Variants in EIF5B observed in about 807,000 individuals in gnomAD.
EIF5B encodes eukaryotic translation initiation factor 5B.
Under a neutral mutation model 147.5 loss-of-function variants are expected in EIF5B, and 47 were observed. The observed-to-expected ratio is 0.32, with a 90% CI of 0.25 to 0.41. EIF5B has a LOEUF of 0.41. Ranked by LOEUF, EIF5B falls within the 10% of genes least tolerant of loss-of-function variation. EIF5B has a pLI of 1.00. For synonymous variants in EIF5B, 455 were observed against 456.2 expected, an observed-to-expected ratio of 1.00 and a Z score of 0.03; for missense variants, 1,064 against 1,413.2, an observed-to-expected ratio of 0.75 and a Z score of 3.96.
chr2:99,354,608 T>C (rs944453445), intron 1 of EIF5B, among the ~76,000 whole-genome samples: 4 of 152,164 alleles, frequency 2.6e-5, no homozygotes, highest in Non-Finnish European at 5.9e-5. Context: ...AAAGATATTT[T>C]ACTCTTTTCC....
intron 21 of EIF5B, among the ~76,000 whole-genome samples, chr2:99,395,131 G>A (rs574599254): frequency 3.9e-5 from 6 of 152,322 alleles, no homozygotes; most frequent in Admixed American, 3.3e-4. Context: ...TAATGGGTTC[G>A]TAGTTATTAA....
chr2:99,340,935 T>G (rs2094258109), intron 1 of EIF5B, among the ~76,000 whole-genome samples: 1 of 152,134 alleles, frequency 6.6e-6, no homozygotes, highest in Non-Finnish European at 1.5e-5. Flanking sequence ...TGGCTAATTT[T>G]TGTGTTTTTA....
At chr2:99,367,461 CAG>C (rs1217986348) in intron 6 of EIF5B, among the ~76,000 whole-genome samples, 2 of 146,188 alleles carry the variant, frequency 1.4e-5, no homozygotes, top group African/African-American at 2.5e-5. Context: ...TTTTTTGAGA[CAG>C]AGTTTCGCTA....
intron 9 of EIF5B, among the ~76,000 whole-genome samples, chr2:99,374,206 T>C (rs1003274703): frequency 2.1e-4 from 31 of 149,792 alleles, no homozygotes; most frequent in Non-Finnish European, 4.3e-4. Flanking sequence ...TGAGAATCGC[T>C]TCACCCTGGG....
At chr2:99,342,674 C>G (rs2094262662) in intron 1 of EIF5B, among the ~76,000 whole-genome samples, 1 of 151,900 alleles carries the variant, frequency 6.6e-6, no homozygotes, top group South Asian at 2.1e-4. Context: ...CTCTGTCACC[C>G]AGGCTAGAGT....
At chr2:99,351,587 G>A (rs567343062) in intron 1 of EIF5B, among the ~76,000 whole-genome samples, 21 of 152,286 alleles carry the variant, frequency 1.4e-4, no homozygotes, top group African/African-American at 1.9e-4. Flanking sequence ...CTCTAGGGAT[G>A]TATGTGCTCC....
Position 99,337,512 on chromosome 2 carries a change from G to C in EIF5B, c.-43G>C, listed in dbSNP as rs749699912. 2 of 1,604,864 alleles carry C rather than the reference G, an allele frequency of 1.2e-6. No individual in the cohort carries two copies. Among genetic ancestry groups the C allele is most frequent in the Non-Finnish European group, 1.7e-6 (2 of 1,175,790 alleles). On this transcript the variant is annotated 5_prime_UTR_variant, in exon 1 of 24. Transcript: ENST00000289371. ...GCCGGGAGACAGTGGGTCTGTGAGA[G>C]ACCGAATAGAGGGGCTGGGGCCACG...
chr2:99,371,756 A>T (rs1463198308), intron 9 of EIF5B, 26 bp downstream of exon 9: 1 of 1,585,524 alleles, frequency 6.3e-7, no homozygotes, highest in Admixed American at 1.8e-5. Context: ...GCACACACTG[A>T]TACATCCAGT....
At chr2:99,367,253 A>G (rs987363028) in intron 6 of EIF5B, among the ~76,000 whole-genome samples, 3 of 152,334 alleles carry the variant, frequency 2.0e-5, no homozygotes, top group South Asian at 4.1e-4. Flanking sequence ...TATCTGAGAA[A>G]GAATTAACAT....
At chr2:99,362,695 T>G (rs937735346) in intron 4 of EIF5B, among the ~76,000 whole-genome samples, 3 of 151,984 alleles carry the variant, frequency 2.0e-5, no homozygotes, top group African/African-American at 7.2e-5. Flanking sequence ...TGAGACTCTG[T>G]CTCAAAAAAC....
chr2:99,393,155 A>T, intron 18 of EIF5B, 57 bp downstream of exon 18: 1 of 1,411,368 alleles, frequency 7.1e-7, no homozygotes, highest in South Asian at 1.7e-5. Context: ...GGCATGTGTC[A>T]GCATTGCACA....
intron 12 of EIF5B, among the ~76,000 whole-genome samples, chr2:99,380,317 G>T (rs1260192156): frequency 6.6e-6 from 1 of 152,072 alleles, no homozygotes; most frequent in Non-Finnish European, 1.5e-5. Flanking sequence ...CTCCCAAAGT[G>T]CTGGGATTAC....
In EIF5B at chr2:99,363,690, AAGG is replaced by A. The variant is rs764897553; in HGVS notation, c.968_970del (p.Gly323del). The A allele has an allele frequency of 5.6e-6, 9 of 1,594,844 alleles. No individual in the cohort carries two copies. In the African/African-American group the frequency reaches 1.2e-4, roughly 22 times the overall value. ...AAGAAGAAAGATAAGAAGAAAAAGA[AAGG>A]AGAAAAGGAAGAAAAAGAGAAAGAG... is the stretch of plus-strand genomic sequence containing the variant. On this transcript the variant is annotated inframe_deletion, in exon 5 of 24. Transcript: ENST00000289371.
At chr2:99,359,351 A>G (rs1293738250) in intron 1 of EIF5B, among the ~76,000 whole-genome samples, 2 of 152,114 alleles carry the variant, frequency 1.3e-5, no homozygotes, top group Non-Finnish European at 2.9e-5. Flanking sequence ...CCTAGGCGAC[A>G]GAGTGAGAGT....
intron 18 of EIF5B, 99 bp from the exon 19 acceptor site, chr2:99,394,168 C>A: frequency 6.9e-7 from 1 of 1,443,038 alleles, no homozygotes; most frequent in Non-Finnish European, 9.3e-7. Flanking sequence ...TTCATATTTG[C>A]AGATGAGTAC....
intron 4 of EIF5B, among the ~76,000 whole-genome samples, chr2:99,362,394 A>G (rs981404674): frequency 1.6e-4 from 24 of 152,288 alleles, no homozygotes; most frequent in African/African-American, 1.2e-4. Context: ...TTGCATGGCC[A>G]TACTATATTC....
At chr2:99,359,758 G>A (rs1031763387) in intron 1 of EIF5B, among the ~76,000 whole-genome samples, 1 of 152,048 alleles carries the variant, frequency 6.6e-6, no homozygotes, top group Admixed American at 6.6e-5. Context: ...TTTTCCCATT[G>A]GTAAAATGAG....
Position 99,338,257 on chromosome 2 carries a change from C to T in EIF5B, c.35+668C>T, listed in dbSNP as rs867113950. 2.4e-5 allele frequency: 30 copies of T among 1,242,322 alleles called. No homozygotes were observed. The Middle Eastern group carries it at 6.5e-4, about 27-fold the overall frequency. 77.0% of individuals were successfully genotyped at this position (1,242,322 alleles called of 1,614,324 possible). Reference sequence around the variant, plus strand: ...AGAAACCAACCAACCGAGGTCGCTCCTTTCTAACCACCTGCAATGCTTTGG... The same window carrying T: ...AGAAACCAACCAACCGAGGTCGCTCTTTTCTAACCACCTGCAATGCTTTGG... On this transcript the variant is annotated intron_variant, in intron 1 of 23. Coordinates refer to ENST00000289371, the MANE Select transcript of EIF5B (RefSeq NM_015904.4).
At chr2:99,360,154 A>C in intron 1 of EIF5B, 82 bp from the exon 2 acceptor site, 6 of 1,470,282 alleles carry the variant, frequency 4.1e-6, no homozygotes, top group Non-Finnish European at 5.4e-6. Flanking sequence ...TGCATGAAAA[A>C]GGTTAAAATG....
Sources: gnomAD v4.1 joint callset for allele counts (sites outside exome capture counted in the v4.1 genomes callset) on GRCh38, gnomAD v4.1.1 for gene constraint, MANE v1.5 for transcripts, NCBI Gene and HGNC (gene_info 2026-07-23, HGNC 2026-07-21) for gene names.